Variants in ARAP1 observed in about 807,000 individuals in gnomAD.
ARAP1 encodes ArfGAP with RhoGAP domain, ankyrin repeat and PH domain 1.
In ARAP1, 76 loss-of-function variants were observed where a neutral mutation model predicts 172.2. That is an observed-to-expected ratio of 0.44 (90% CI 0.37 to 0.53). ARAP1 has a LOEUF of 0.53. Ranked by LOEUF, ARAP1 falls within the 20% of genes least tolerant of loss-of-function variation. ARAP1 has a pLI of 0.00. For missense variants in ARAP1, 1,686 were observed against 1,977.5 expected (o/e 0.85, Z 2.80); for synonymous variants, 804 against 803.3 (o/e 1.00, Z -0.01).
In ARAP1 at chr11:72,707,157, C is replaced by T. The variant is rs767020038; in HGVS notation, c.1723+18G>A. The stretch of plus-strand genomic sequence containing the variant: ...CCCGCCATGCCTCTGCCTGGTGCCC[C>T]GACCCCCATGCACACACCTGCACAG... On this transcript the variant is annotated intron_variant, in intron 12 of 34. Coordinates refer to ENST00000393609, the MANE Select transcript of ARAP1 (RefSeq NM_001040118.3). The T allele has an allele frequency of 1.1e-5, 17 of 1,543,366 alleles. No individual in the cohort carries two copies. The highest frequency in any genetic ancestry group is 4.1e-5 in the African/African-American group (3 of 73,474).
chr11:72,685,451 A>G lies in ARAP1; in HGVS notation c.*213T>C. ...GGCCAAGAGGTCTGAACACCTGGAC[A>G]GAGTTGGGAGAGGTTCCTGCCCAGG... is the stretch of plus-strand genomic sequence containing the variant. On this transcript the variant is annotated 3_prime_UTR_variant, in exon 35 of 35. Coordinates refer to ENST00000393609, the MANE Select transcript of ARAP1 (RefSeq NM_001040118.3). 1.6e-6 allele frequency: 1 copy of G among 627,680 alleles called. No homozygotes were observed. The highest frequency in any genetic ancestry group is 2.9e-5 in the Admixed American group (1 of 34,990). The allele number at this position is 627,680 out of a possible 1,614,324, so 38.9% of individuals were successfully genotyped here. A position where few individuals can be genotyped will look rare whatever the true frequency, so the allele number is the denominator to read the frequency against.
intron 1 of ARAP1, among the ~76,000 whole-genome samples, chr11:72,738,714 G>C (rs1432904446): frequency 1.3e-5 from 2 of 152,058 alleles, no homozygotes; most frequent in Non-Finnish European, 2.9e-5. Context: ...GCCAGCTCTG[G>C]CCAGGCCTGG....
At chr11:72,705,738 G>A (rs556085875) in intron 13 of ARAP1, 67 bp downstream of exon 13, 2 of 1,542,894 alleles carry the variant, frequency 1.3e-6, no homozygotes, top group Admixed American at 3.4e-5. Flanking sequence ...GGAGGGGGCT[G>A]GGAGACCCAG....
intron 32 of ARAP1, 86 bp downstream of exon 32, chr11:72,687,602 T>C: frequency 6.2e-7 from 1 of 1,611,948 alleles, no homozygotes; most frequent in Non-Finnish European, 8.5e-7. Context: ...TGGTCACAGA[T>C]CTGGGCAGTG....
chr11:72,700,468 G>C (rs1047629399), intron 16 of ARAP1: 3 of 152,260 alleles, frequency 2.0e-5, no homozygotes, highest in African/African-American at 7.2e-5. Flanking sequence ...TGTGCTCTTT[G>C]AGAGCAATGT....
chr11:72,709,714 G>C, intron 11 of ARAP1, 156 bp downstream of exon 11: 1 of 749,556 alleles, frequency 1.3e-6, no homozygotes, highest in Non-Finnish European at 2.3e-6. Context: ...ATCAGAGAGG[G>C]TTAGCAAGTG....
At chr11:72,708,894 G>A (rs1446624792) in intron 11 of ARAP1, among the ~76,000 whole-genome samples, 6 of 152,142 alleles carry the variant, frequency 3.9e-5, no homozygotes, top group South Asian at 4.1e-4. Context: ...AAAATTAGCC[G>A]GGCGTGGTAG....
rs1855739604 is a variant in ARAP1, at chr11:72,687,442, C to T, written c.4182G>A (p.Val1394=). ...CCCCACACTCTGCACCTGGTACCTG[C>T]ACAAACAGAAAGGTAGCGAACCACT... The part of the protein sequence containing the change: ...LREWFATFLF[V]QHDGLVWPSE... Residue 1394 remains valine (V), a synonymous_variant, in exon 33 of 35, where the codon GTG becomes GTA. Coordinates refer to ENST00000393609, the MANE Select transcript of ARAP1 (RefSeq NM_001040118.3). The T allele has an allele frequency of 6.2e-7, 1 of 1,614,234 alleles. No individual in the cohort carries two copies. Among genetic ancestry groups the T allele is most frequent in the Non-Finnish European group, 8.5e-7 (1 of 1,180,046 alleles).
At chr11:72,698,257 T>TTCCATCAC in intron 18 of ARAP1, 151 bp from the exon 19 acceptor site, 1 of 965,672 alleles carries the variant, frequency 1.0e-6, no homozygotes, top group Non-Finnish European at 1.5e-6. Flanking sequence ...GTGATGGAAC[T>TTCCATCAC]TGGGTACCAT....
Position 72,726,815 on chromosome 11 carries a change from G to A in ARAP1, c.314C>T (p.Thr105Ile). ...PATPPEPLPT[T>I]TEDEGLPAAP... ...AGCGGGGAGCCCCTCATCCTCTGTAGTGGTGGGCAGCGGCTCGGGTGGAGT... is the reference window on the plus strand; with the variant it reads ...AGCGGGGAGCCCCTCATCCTCTGTAATGGTGGGCAGCGGCTCGGGTGGAGT... Residue 105 changes from threonine to isoleucine, a missense_variant, in exon 3 of 35, where the codon ACT becomes ATT. Transcript: ENST00000393609. The surrounding 1 kb of genome is among the most constrained non-coding windows in gnomAD (Gnocchi z 6.5). 6.4e-7 allele frequency: 1 copy of A among 1,563,520 alleles called. No individual in the cohort carries two copies.
In ARAP1 at chr11:72,686,144, T is replaced by C. The variant is rs755588065; in HGVS notation, c.4233A>G (p.Ala1411=). The part of the protein sequence containing the change: ...WPSEPSRVSR[A]VPEVRLGSVS... ...CACTACCCAGCCGGACCTCAGGCAC[T>C]GCCCGGGACACGCGTGAGGGCTCTG... Residue 1411 remains alanine, a synonymous_variant, in exon 34 of 35, where the codon GCA becomes GCG. Transcript: ENST00000393609. The C allele has an allele frequency of 3.1e-6, 5 of 1,613,936 alleles. No homozygotes were observed. Among genetic ancestry groups the C allele is most frequent in the South Asian group, 1.1e-5 (1 of 91,074 alleles).
intron 30 of ARAP1, among the ~76,000 whole-genome samples, chr11:72,689,875 G>A (rs914129233): frequency 2.6e-5 from 4 of 152,200 alleles, no homozygotes; most frequent in African/African-American, 9.7e-5. Context: ...GGACATGGAA[G>A]AAACAAGATG....
Position 72,711,639 on chromosome 11 carries a change from A to G in ARAP1, c.1023-140T>C, listed in dbSNP as rs577498908. The G allele has an allele frequency of 1.1e-3, 731 of 658,516 alleles. 21 individuals carry two copies. The highest frequency in any genetic ancestry group is 9.2e-3 in the South Asian group (524 of 57,094). 40.8% of individuals were successfully genotyped at this position (658,516 alleles called of 1,614,324 possible). A position where few individuals can be genotyped will look rare whatever the true frequency, so the allele number is the denominator to read the frequency against. On this transcript the variant is annotated intron_variant, in intron 7 of 34. Coordinates refer to ENST00000393609, the MANE Select transcript of ARAP1 (RefSeq NM_001040118.3). ...GAAGAATCCCAAATGGCCACTGGCA[A>G]GAAGATGGACTTTACAGCAAGAGTG...
chr11:72,746,060 G>A (rs186016295), intron 1 of ARAP1, among the ~76,000 whole-genome samples: 1 of 152,262 alleles, frequency 6.6e-6, no homozygotes, highest in Admixed American at 6.5e-5. Context: ...ACCCTTCAAG[G>A]CTTAACCTTG....
chr11:72,705,825 A>G lies in ARAP1; in HGVS notation c.1789T>C (p.Trp597Arg). ...VRSLKMDRKV[W>R]TETLIELFLQ... Reference sequence around the variant, plus strand: ...CCCACCTCGATAAGTGTTTCTGTCCACACCTTCCTGTCCATCTTCAGGCTC... The same window carrying G: ...CCCACCTCGATAAGTGTTTCTGTCCGCACCTTCCTGTCCATCTTCAGGCTC... The change falls in exon 13 of 35, where the codon TGG (tryptophan) becomes CGG (arginine). Residue 597 changes from tryptophan (W) to arginine (R), a missense_variant. By Grantham distance (101) the Trp-to-Arg change is moderately radical. This residue lies in a region of ARAP1 where 688 missense variants were observed against 856.9 expected (regional missense o/e 0.80). Transcript: ENST00000393609. 1 of 1,614,102 alleles carries G rather than the reference A, an allele frequency of 6.2e-7. No individual in the cohort carries two copies. Among genetic ancestry groups the G allele is most frequent in the Non-Finnish European group, 8.5e-7 (1 of 1,179,980 alleles).
chr11:72,715,424 G>A (rs115045857), intron 3 of ARAP1, among the ~76,000 whole-genome samples: 204 of 152,302 alleles, frequency 1.3e-3, no homozygotes, highest in African/African-American at 4.6e-3. Flanking sequence ...TGGGGCTACC[G>A]TGAAAGCAAG....
intron 11 of ARAP1, 100 bp from the exon 12 acceptor site, chr11:72,707,474 A>G (rs1856822403): frequency 1.7e-6 from 2 of 1,170,156 alleles, no homozygotes; most frequent in Admixed American, 2.4e-5. Context: ...AGGTGTTGGG[A>G]GCGCTTAGGC....
intron 3 of ARAP1, among the ~76,000 whole-genome samples, chr11:72,724,304 C>G (rs896496678): frequency 1.3e-5 from 2 of 152,166 alleles, no homozygotes; most frequent in African/African-American, 4.8e-5. Context: ...ACTGGGGAGC[C>G]TGGAGATGAC....
Position 72,727,054 on chromosome 11 carries a change from C to T in ARAP1, c.75G>A (p.Gly25=), listed in dbSNP as rs754411667. 4 of 1,608,240 alleles carry T rather than the reference C, an allele frequency of 2.5e-6. No individual in the cohort carries two copies. The highest frequency in any genetic ancestry group is 3.4e-6 in the Non-Finnish European group (4 of 1,176,524). ...LRALHLEQYT[G]LFEQHGLVWA... is the part of the protein sequence containing the mutation. ...ACACCAGGCCATGCTGCTCAAAGAG[C>T]CCCGTGTACTGCTCCAGGTGCAATG... Residue 25 remains glycine (G), a synonymous_variant, in exon 3 of 35, where the codon GGG becomes GGA. Transcript: ENST00000393609.
Sources: gnomAD v4.1 joint callset for allele counts (sites outside exome capture counted in the v4.1 genomes callset) on GRCh38, gnomAD v4.1.1 for gene constraint, gnomAD v4.1.1 regional missense constraint, Gnocchi (gnomAD v3.1) non-coding constraint, MANE v1.5 for transcripts, NCBI Gene and HGNC (gene_info 2026-07-23, HGNC 2026-07-21) for gene names.